Variants in PPP2R2C observed in about 807,000 individuals in gnomAD.
PPP2R2C encodes the protein protein phosphatase 2, regulatory subunit B, gamma.
In PPP2R2C, 10 loss-of-function variants were observed where a neutral mutation model predicts 45.3. The ratio of observed to expected loss-of-function variants is 0.22; its 90% confidence interval spans 0.14 to 0.37. The LOEUF (loss-of-function observed/expected upper bound fraction) is 0.37, where lower values mean the gene tolerates loss of function less well. Ranked by LOEUF, PPP2R2C falls within the 10% of genes least tolerant of loss-of-function variation. PPP2R2C has a pLI of 1.00. For synonymous variants in PPP2R2C, 257 were observed against 245.4 expected, an observed-to-expected ratio of 1.05 and a Z score of -0.44; for missense variants, 308 against 619.7, an observed-to-expected ratio of 0.50 and a Z score of 5.34.
intron 1 of PPP2R2C, among the ~76,000 whole-genome samples, chr4:6,562,167 C>CG (rs1326313449): frequency 6.6e-6 from 1 of 152,104 alleles, no homozygotes; most frequent in Non-Finnish European, 1.5e-5. Context: ...GGTCAGAGTG[C>CG]GGGGGACAAT....
chr4:6,352,639 A>G (rs55802940), intron 5 of PPP2R2C, among the ~76,000 whole-genome samples: 36,919 of 152,102 alleles, frequency 0.24, 5,053 homozygotes, highest in East Asian at 0.33. Flanking sequence ...GGAATTCCAG[A>G]GAGAGGAGCA....
chr4:6,345,464 G>A lies in PPP2R2C; in HGVS notation c.790+2382C>T, dbSNP rs1380720860. Among the ~76,000 whole-genome samples the A allele has an allele frequency of 6.6e-6, 1 of 152,204 alleles. No homozygotes were observed. The highest frequency in any genetic ancestry group is 1.5e-5 in the Non-Finnish European group (1 of 68,034). On this transcript the variant is annotated intron_variant, in intron 6 of 8. Coordinates refer to ENST00000382599, the MANE Select transcript of PPP2R2C (RefSeq NM_020416.4). This position sits in a 1 kb window ranked among gnomAD's most constrained non-coding sequence, Gnocchi z 5.3. ...GACGCAACTCAGCCAACCTTGAGATGAGGAAGTCATCCTGGATCATTAGGG... is the reference window on the plus strand; with the variant it reads ...GACGCAACTCAGCCAACCTTGAGATAAGGAAGTCATCCTGGATCATTAGGG...
At chr4:6,343,872 G>A (rs1274153045) in intron 6 of PPP2R2C, among the ~76,000 whole-genome samples, 2 of 152,212 alleles carry the variant, frequency 1.3e-5, no homozygotes, top group East Asian at 3.8e-4. Flanking sequence ...TTAAAATTGG[G>A]CAAAGAGAGT....
chr4:6,349,846 G>T, intron 5 of PPP2R2C: 1 of 960,052 alleles, frequency 1.0e-6, no homozygotes, highest in South Asian at 4.8e-5. Context: ...AGCCGAGATC[G>T]CACCATTATA....
chr4:6,387,423 A>T (rs184301914), intron 1 of PPP2R2C, among the ~76,000 whole-genome samples: 8 of 152,362 alleles, frequency 5.3e-5, no homozygotes, highest in South Asian at 2.1e-4. Context: ...TGTCAGCAGA[A>T]ATAATGGCAC....
chr4:6,415,429 C>T (rs1297955022), intron 1 of PPP2R2C, among the ~76,000 whole-genome samples: 1 of 152,236 alleles, frequency 6.6e-6, no homozygotes, highest in Non-Finnish European at 1.5e-5. Flanking sequence ...TCAAGCATGT[C>T]TGGGTCACGG....
At chr4:6,511,335 A>G (rs755859026) in intron 2 of PPP2R2C, among the ~76,000 whole-genome samples, 7 of 145,150 alleles carry the variant, frequency 4.8e-5, no homozygotes, top group Non-Finnish European at 9.0e-5. Context: ...TGATAGTGAC[A>G]GTATTGATAA....
At chr4:6,358,532 A>AT (rs1713437411) in intron 5 of PPP2R2C, among the ~76,000 whole-genome samples, 1 of 151,880 alleles carries the variant, frequency 6.6e-6, no homozygotes, top group South Asian at 2.1e-4. Context: ...AAAAAAAAAA[A>AT]AAATGGCCAT....
chr4:6,532,765 G>A (rs767223503), intron 2 of PPP2R2C, among the ~76,000 whole-genome samples: 5 of 152,126 alleles, frequency 3.3e-5, no homozygotes, highest in African/African-American at 4.8e-5. Flanking sequence ...TGCCTCCTCC[G>A]CTGCCACCAC....
At chr4:6,408,335 G>C (rs1347731987) in intron 1 of PPP2R2C, among the ~76,000 whole-genome samples, 4 of 152,102 alleles carry the variant, frequency 2.6e-5, no homozygotes, top group African/African-American at 4.8e-5. Context: ...CCCTTCCCTG[G>C]CGCCTAACTA....
At chr4:6,511,249 CTGATGCTGA>C (rs1560593271) in intron 2 of PPP2R2C, among the ~76,000 whole-genome samples, 16 of 25,332 alleles carry the variant, frequency 6.3e-4, no homozygotes, top group Middle Eastern at 0.036. Flanking sequence ...GCTGGTGATG[CTGATGCTGA>C]TGCTGATGCT....
intron 5 of PPP2R2C, chr4:6,349,657 A>G (rs1229721069): frequency 1.1e-6 from 1 of 873,382 alleles, no homozygotes; most frequent in Non-Finnish European, 1.4e-6. Context: ...TGGCCAACAC[A>G]GTAAAACCCC....
At chr4:6,435,121 A>T (rs1416562092) in intron 1 of PPP2R2C, among the ~76,000 whole-genome samples, 2 of 152,118 alleles carry the variant, frequency 1.3e-5, no homozygotes, top group African/African-American at 2.4e-5. Context: ...ATCTCCAGGG[A>T]CACCAATTAT....
intron 1 of PPP2R2C, among the ~76,000 whole-genome samples, chr4:6,451,143 C>A (rs1472481286): frequency 6.6e-6 from 1 of 152,196 alleles, no homozygotes; most frequent in African/African-American, 2.4e-5. Flanking sequence ...CATCACTGAC[C>A]ACATGTCCAT....
intron 2 of PPP2R2C, among the ~76,000 whole-genome samples, chr4:6,524,096 T>TG (rs1220032250): frequency 6.6e-5 from 10 of 151,700 alleles, no homozygotes; most frequent in African/African-American, 1.9e-4. Flanking sequence ...TATTTTTTTT[T>TG]TTTTTAGTAG....
In PPP2R2C at chr4:6,378,896, T is replaced by G. The variant is rs1170594012; in HGVS notation, c.169-324A>C. ...ACCATCGCATTCTACCCTCCAGGCC[T>G]CCTCTGCTTGAGCACCACGACTCTC... On this transcript the variant is annotated intron_variant, in intron 2 of 8. Coordinates refer to ENST00000382599, the MANE Select transcript of PPP2R2C (RefSeq NM_020416.4). This position sits in a 1 kb window ranked among gnomAD's most constrained non-coding sequence, Gnocchi z 5.2. Among the ~76,000 whole-genome samples, 1 of 151,478 alleles carries G rather than the reference T, an allele frequency of 6.6e-6. No homozygotes were observed. Among genetic ancestry groups the G allele is most frequent in the Non-Finnish European group, 1.5e-5 (1 of 67,938 alleles).
At chr4:6,444,736 G>A (rs1337368073) in intron 1 of PPP2R2C, among the ~76,000 whole-genome samples, 1 of 152,198 alleles carries the variant, frequency 6.6e-6, no homozygotes, top group Non-Finnish European at 1.5e-5. Context: ...GCTTCCAAGC[G>A]ATGCCTGGCC....
At chr4:6,465,270 G>A (rs146465200) in intron 1 of PPP2R2C, among the ~76,000 whole-genome samples, 332 of 152,256 alleles carry the variant, frequency 2.2e-3, no homozygotes, top group African/African-American at 7.9e-3. Context: ...TGTAAAATAA[G>A]ATAACTGTTG....
intron 6 of PPP2R2C, among the ~76,000 whole-genome samples, chr4:6,335,949 C>T (rs759952361): frequency 3.3e-5 from 5 of 152,114 alleles, no homozygotes; most frequent in South Asian, 2.1e-4. Context: ...AGCCTCTCCA[C>T]AGCCTCTGGT....
Sources: gnomAD v4.1 joint callset for allele counts (sites outside exome capture counted in the v4.1 genomes callset) on GRCh38, gnomAD v4.1.1 for gene constraint, Gnocchi (gnomAD v3.1) non-coding constraint, MANE v1.5 for transcripts, NCBI Gene and HGNC (gene_info 2026-07-23, HGNC 2026-07-21) for gene names.